Variants in LRRC43 observed in about 807,000 individuals in gnomAD.
LRRC43 encodes leucine rich repeat containing 43, also known as leucine-rich repeat-containing protein 43.
LRRC43 carries 62 observed loss-of-function variants against 64.3 expected under a neutral mutation model. The ratio of observed to expected loss-of-function variants is 0.96; its 90% confidence interval spans 0.79 to 1.19. The LOEUF is 1.19. Ranked by LOEUF, LRRC43 falls within the 50% of genes most tolerant of loss-of-function variation. LRRC43 has a pLI of 0.00. For synonymous variants in LRRC43, 422 were observed against 382.3 expected, an observed-to-expected ratio of 1.10 and a Z score of -1.21; for missense variants, 868 against 845.0, an observed-to-expected ratio of 1.03 and a Z score of -0.34.
chr12:122,173,840 T>G, intron 1 of LRRC43: 1 of 1,613,026 alleles, frequency 6.2e-7, no homozygotes, highest in Non-Finnish European at 8.5e-7. Context: ...TCTAGGACAC[T>G]CACATCTTTC....
chr12:122,181,610 AT>A (rs369940986), upstream of LRRC43, among the ~76,000 whole-genome samples: 1,222 of 135,298 alleles, frequency 9.0e-3, 13 homozygotes, highest in African/African-American at 0.031. Flanking sequence ...TTTTGGATAA[AT>A]TTTTTTTTTT....
chr12:122,168,486 G>A (rs188222184), intron 1 of LRRC43, among the ~76,000 whole-genome samples: 32 of 149,724 alleles, frequency 2.1e-4, no homozygotes, highest in Non-Finnish European at 3.4e-4. Flanking sequence ...TTGGGATCTC[G>A]CCATGTTGCC....
chr12:122,181,013 C>G (rs907377008), upstream of LRRC43, among the ~76,000 whole-genome samples: 1 of 151,298 alleles, frequency 6.6e-6, no homozygotes, highest in Admixed American at 6.6e-5. Context: ...GTCAGGAATT[C>G]GAGACCAGCC....
At chr12:122,191,638 A>T in intron 6 of LRRC43, 71 bp downstream of exon 6, 1 of 1,213,752 alleles carries the variant, frequency 8.2e-7, no homozygotes, top group Non-Finnish European at 1.2e-6. Context: ...GGGCCCCAGG[A>T]AAATCCTTTT....
chr12:122,178,582 C>CTTT (rs57204293), upstream of LRRC43, among the ~76,000 whole-genome samples: 6 of 60,732 alleles, frequency 9.9e-5, no homozygotes, highest in Non-Finnish European at 1.7e-4. Context: ...AGGTGGCTTT[C>CTTT]TTTTTTTTTT....
intron 11 of LRRC43, chr12:122,202,291 A>G (rs1388243238): frequency 6.6e-6 from 1 of 152,092 alleles, no homozygotes; most frequent in Non-Finnish European, 1.5e-5. Flanking sequence ...ACTGCTTGCA[A>G]TATGTTGCTG....
At chr12:122,183,095 C>T, upstream of LRRC43, 1 of 1,513,816 alleles carries the variant, frequency 6.6e-7, no homozygotes, top group Non-Finnish European at 8.8e-7. Flanking sequence ...GGAGAGGCCC[C>T]TGCCCCCGCG....
intron 7 of LRRC43, among the ~76,000 whole-genome samples, chr12:122,196,493 C>T (rs1398565927): frequency 6.6e-6 from 1 of 152,182 alleles, no homozygotes; most frequent in Non-Finnish European, 1.5e-5. Flanking sequence ...GAGGGCTGGG[C>T]ACAGTGGCTC....
intron 1 of LRRC43, among the ~76,000 whole-genome samples, chr12:122,169,876 T>C (rs989245052): frequency 6.6e-6 from 1 of 152,012 alleles, no homozygotes; most frequent in Non-Finnish European, 1.5e-5. Flanking sequence ...TGACGCCATC[T>C]TGGCTCACTG....
Position 122,168,807 on chromosome 12 carries a change from A to T in LRRC43, c.-406+1025A>T, listed in dbSNP as rs536686202. Among the ~76,000 whole-genome samples, 4 of 152,300 alleles carry T rather than the reference A, an allele frequency of 2.6e-5. No individual in the cohort carries two copies. In the South Asian group the frequency reaches 6.2e-4, roughly 24 times the overall value. ...ATGTCTGTTTTCTGGTCCAAGAGTC[A>T]GTCCAAGTTCCCACATTGTGCTTAG... On this transcript the variant is annotated intron_variant, in intron 1 of 5. Coordinates refer to the LRRC43 transcript ENST00000537729.
At chr12:122,194,269 T>C (rs1566011633) in intron 7 of LRRC43, among the ~76,000 whole-genome samples, 1 of 151,780 alleles carries the variant, frequency 6.6e-6, no homozygotes, top group African/African-American at 2.4e-5. Context: ...GAACCATGAA[T>C]TCATGTCTTC....
chr12:122,189,435 A>T, intron 4 of LRRC43: 1 of 456,520 alleles, frequency 2.2e-6, no homozygotes, highest in Non-Finnish European at 4.4e-6. Flanking sequence ...TGGGATTGGG[A>T]GATGCTGTGC....
At chr12:122,190,052 C>T (rs772454725) in intron 4 of LRRC43, 78 bp from the exon 5 acceptor site, 22 of 1,163,388 alleles carry the variant, frequency 1.9e-5, no homozygotes, top group South Asian at 3.7e-5. Context: ...CCAGGCTCCC[C>T]GTCCGTTTTG....
chr12:122,178,582 C>CT (rs57204293), upstream of LRRC43, among the ~76,000 whole-genome samples: 2,005 of 60,762 alleles, frequency 0.033, 225 homozygotes, highest in Non-Finnish European at 0.048. Context: ...AGGTGGCTTT[C>CT]TTTTTTTTTT....
chr12:122,174,557 A>T (rs1953520368), intron 1 of LRRC43, among the ~76,000 whole-genome samples: 1 of 152,226 alleles, frequency 6.6e-6, no homozygotes, highest in African/African-American at 2.4e-5. Context: ...GGTGACTTCC[A>T]GGAGTTCAAG....
chr12:122,174,240 G>A (rs1217193197), intron 1 of LRRC43: 1 of 1,592,660 alleles, frequency 6.3e-7, no homozygotes, highest in African/African-American at 1.3e-5. Context: ...ATGGCTGCCT[G>A]GAGGTATATA....
In LRRC43 at chr12:122,203,326, G is replaced by T; in HGVS notation, c.1855G>T (p.Ala619Ser). Residue 619 changes from alanine (A) to serine (S), a missense_variant, in exon 12 of 12, where the codon GCC becomes TCC. Transcript: ENST00000339777. ...TTAAATTTTCTCAGAAAAGCCGAAA[G>T]CCGTGATTCCGATCTACGAAGGCGA... The part of the protein sequence containing the change: ...KKVAKKEKPK[A>S]VIPIYEGDYH... 2 of 1,612,588 alleles carry T rather than the reference G, an allele frequency of 1.2e-6. No homozygotes were observed. The highest frequency in any genetic ancestry group is 8.5e-7 in the Non-Finnish European group (1 of 1,179,882).
chr12:122,186,425 T>C lies in LRRC43; in HGVS notation c.522+125T>C, dbSNP rs932303632. The C allele has an allele frequency of 1.3e-5, 8 of 628,818 alleles. No homozygotes were observed. The African/African-American group carries it at 1.3e-4, about 10-fold the overall frequency. 39.0% of individuals were successfully genotyped at this position (628,818 alleles called of 1,614,324 possible). On this transcript the variant is annotated intron_variant, in intron 3 of 11. Coordinates refer to ENST00000339777, the MANE Select transcript of LRRC43 (RefSeq NM_001098519.2). ...AAGGCCCAGCTCCAGGCTTTTAAAA[T>C]GTAGGTCACTTTCCTAGAAAAGTTC...
chr12:122,196,051 G>A (rs753066526), intron 7 of LRRC43, among the ~76,000 whole-genome samples: 1 of 152,124 alleles, frequency 6.6e-6, no homozygotes, highest in Non-Finnish European at 1.5e-5. Context: ...GCATTAATGT[G>A]GCACTAAGCT....
Sources: allele counts gnomAD v4.1 joint callset (sites outside exome capture counted in the v4.1 genomes callset), GRCh38; gene constraint gnomAD v4.1.1; transcripts MANE v1.5; gene names NCBI Gene and HGNC (gene_info 2026-07-23, HGNC 2026-07-21).